ZC3H12B: variants seen among roughly 807,000 people sequenced by gnomAD.
The protein encoded by ZC3H12B is zinc finger CCCH-type containing 12B, also known as probable ribonuclease ZC3H12B.
ZC3H12B carries 7 observed loss-of-function variants against 43.9 expected under a neutral mutation model. That is an observed-to-expected ratio of 0.16 (90% CI 0.09 to 0.30). The LOEUF is 0.30. Ranked by LOEUF, ZC3H12B falls within the 10% of genes least tolerant of loss-of-function variation. The pLI is 1.00. For missense variants in ZC3H12B, 475 were observed against 670.2 expected (o/e 0.71, Z 3.22); for synonymous variants, 222 against 241.7 (o/e 0.92, Z 0.76).
the ZC3H12B span, among the ~76,000 whole-genome samples, chrX:65,080,194 A>G: frequency 9.3e-6 from 1 of 107,734 alleles, no homozygotes; most frequent in Non-Finnish European, 1.9e-5. Flanking sequence ...AAAAGAAAAA[A>G]AAAAAAACAA....
chrX:65,257,377 C>G, the ZC3H12B span, among the ~76,000 whole-genome samples: 5 of 111,164 alleles, frequency 4.5e-5, no homozygotes, highest in Admixed American at 2.9e-4. Flanking sequence ...ACCGCATGTT[C>G]TCACTCATAG....
At chrX:65,373,839 C>T (rs1685490327) in intron 2 of ZC3H12B, among the ~76,000 whole-genome samples, 1 of 76,113 alleles carries the variant, frequency 1.3e-5, no homozygotes, top group Admixed American at 1.8e-4. Flanking sequence ...CACATGCATA[C>T]ATATATAACA....
At chrX:65,038,976 C>G in the ZC3H12B span, among the ~76,000 whole-genome samples, 1 of 110,891 alleles carries the variant, frequency 9.0e-6, no homozygotes, top group Non-Finnish European at 1.9e-5. Flanking sequence ...TTTTTCCCAG[C>G]AATTCTTTTT....
At chrX:65,370,126 G>C (rs2066226014) in intron 2 of ZC3H12B, among the ~76,000 whole-genome samples, 1 of 112,241 alleles carries the variant, frequency 8.9e-6, no homozygotes, top group African/African-American at 3.2e-5. Flanking sequence ...TATTCATATA[G>C]TTTCGAAGAA....
the ZC3H12B span, among the ~76,000 whole-genome samples, chrX:65,228,561 G>A: frequency 9.0e-6 from 1 of 110,845 alleles, no homozygotes; most frequent in Non-Finnish European, 1.9e-5. Flanking sequence ...AGGAAATAAA[G>A]GGTATTCAAT....
the ZC3H12B span, among the ~76,000 whole-genome samples, chrX:65,336,794 A>T: frequency 3.3e-4 from 37 of 112,502 alleles, no homozygotes; most frequent in Non-Finnish European, 6.4e-4. Flanking sequence ...CTCTTCCACC[A>T]GTTCCATTAG....
At chrX:65,184,627 T>A in the ZC3H12B span, among the ~76,000 whole-genome samples, 4 of 111,555 alleles carry the variant, frequency 3.6e-5, no homozygotes, top group Admixed American at 3.8e-4. Flanking sequence ...AGAGAGGGGT[T>A]ATTAAAGGTA....
chrX:65,107,630 A>G, the ZC3H12B span, among the ~76,000 whole-genome samples: 1 of 110,983 alleles, frequency 9.0e-6, no homozygotes, highest in Non-Finnish European at 1.9e-5. Flanking sequence ...GTGGAAGGTA[A>G]TTTAATCATG....
At chrX:65,406,214 T>A (rs2066818968) in intron 3 of ZC3H12B, among the ~76,000 whole-genome samples, 1 of 109,298 alleles carries the variant, frequency 9.1e-6, no homozygotes, top group Non-Finnish European at 1.9e-5. Context: ...GTTCAATATC[T>A]CTGATGAATA....
chrX:65,225,908 C>T, the ZC3H12B span, among the ~76,000 whole-genome samples: 4 of 112,031 alleles, frequency 3.6e-5, no homozygotes, highest in Non-Finnish European at 7.5e-5. Flanking sequence ...ATTGGTGTAA[C>T]TGAAAGTGAC....
At chrX:65,183,617 G>T in the ZC3H12B span, among the ~76,000 whole-genome samples, 123 of 111,615 alleles carry the variant, frequency 1.1e-3, no homozygotes, top group Middle Eastern at 4.7e-3. Context: ...CGTTACACTT[G>T]GAGAAGTTAT....
the ZC3H12B span, among the ~76,000 whole-genome samples, chrX:65,228,169 A>C: frequency 8.9e-6 from 1 of 111,960 alleles, no homozygotes. Flanking sequence ...GCAACACATC[A>C]AAAAGCTTAT....
chrX:65,073,612 C>G, the ZC3H12B span, among the ~76,000 whole-genome samples: 3 of 112,168 alleles, frequency 2.7e-5, no homozygotes, highest in Admixed American at 9.4e-5. Flanking sequence ...AGATGGCCAT[C>G]CATGGCTGCA....
At chrX:65,280,998 A>G in the ZC3H12B span, among the ~76,000 whole-genome samples, 1 of 111,763 alleles carries the variant, frequency 8.9e-6, no homozygotes, top group Non-Finnish European at 1.9e-5. Context: ...TCAAAATACA[A>G]TGACATTTCT....
the ZC3H12B span, among the ~76,000 whole-genome samples, chrX:65,322,302 G>T: frequency 2.7e-5 from 3 of 111,714 alleles, no homozygotes; most frequent in African/African-American, 9.8e-5. Context: ...TTAGGAATCT[G>T]CCCCCATGAC....
chrX:65,224,075 T>C, the ZC3H12B span, among the ~76,000 whole-genome samples: 1 of 112,367 alleles, frequency 8.9e-6, no homozygotes, highest in South Asian at 3.7e-4. Context: ...TCAATGAAGG[T>C]GTAAAGAAAC....
At chrX:65,346,190 A>C in the ZC3H12B span, among the ~76,000 whole-genome samples, 1 of 110,170 alleles carries the variant, frequency 9.1e-6, no homozygotes, top group Non-Finnish European at 1.9e-5. Flanking sequence ...GAACAAACCC[A>C]GAAGCACCTT....
At chrX:65,444,290 G>A in intron 3 of ZC3H12B, among the ~76,000 whole-genome samples, 1 of 112,160 alleles carries the variant, frequency 8.9e-6, no homozygotes, top group Non-Finnish European at 1.9e-5. Context: ...GATAGGTTTG[G>A]CTGTGTCCCC....
chrX:65,452,224 T>C (rs2067524944), intron 3 of ZC3H12B, among the ~76,000 whole-genome samples: 2 of 111,145 alleles, frequency 1.8e-5, no homozygotes, highest in Admixed American at 9.6e-5. Context: ...TCCAAATCAG[T>C]AAAGAGGAAG....
Sources: gnomAD v4.1 joint callset for allele counts (sites outside exome capture counted in the v4.1 genomes callset) on GRCh38, gnomAD v4.1.1 for gene constraint, MANE v1.5 for transcripts, NCBI Gene and HGNC (gene_info 2026-07-23, HGNC 2026-07-21) for gene names.